Variants in DGKB observed in about 807,000 individuals in gnomAD.
DGKB encodes diacylglycerol kinase beta.
Under a neutral mutation model 114.3 loss-of-function variants are expected in DGKB, and 67 were observed. The observed-to-expected ratio is 0.59, with a 90% confidence interval of 0.48 to 0.72. The LOEUF is 0.72. Ranked by LOEUF, DGKB falls within the 30% of genes least tolerant of loss-of-function variation. The pLI, the probability that DGKB is intolerant of heterozygous loss-of-function variation, is 0.00. For missense variants in DGKB, 907 were observed against 975.2 expected (o/e 0.93, Z 0.93); for synonymous variants, 398 against 323.1 (o/e 1.23, Z -2.49).
chr7:14,361,889 A>G (rs1815818365), intron 21 of DGKB, among the ~76,000 whole-genome samples: 2 of 152,042 alleles, frequency 1.3e-5, no homozygotes, highest in Admixed American at 1.3e-4. Context: ...AGCAACATGT[A>G]GCATTCATTT....
intron 23 of DGKB, among the ~76,000 whole-genome samples, chr7:14,225,763 T>C (rs1790708346): frequency 6.6e-6 from 1 of 152,000 alleles, no homozygotes; most frequent in South Asian, 2.1e-4. Flanking sequence ...ATTAAGAGTA[T>C]CATTTTCTAC....
chr7:14,347,518 C>G (rs927215555), intron 21 of DGKB, among the ~76,000 whole-genome samples: 6 of 151,770 alleles, frequency 4.0e-5, no homozygotes, highest in Non-Finnish European at 7.4e-5. Flanking sequence ...GAAGCCAGAA[C>G]AGAAAGACAA....
At chr7:14,159,625 G>A (rs892319094) in intron 25 of DGKB, among the ~76,000 whole-genome samples, 12 of 152,152 alleles carry the variant, frequency 7.9e-5, no homozygotes, top group Non-Finnish European at 2.9e-5. Flanking sequence ...GCTTCATAGA[G>A]ATGGAATTCA....
At chr7:14,858,040 T>C (rs542962157) in intron 1 of DGKB, among the ~76,000 whole-genome samples, 7 of 152,288 alleles carry the variant, frequency 4.6e-5, no homozygotes, top group Non-Finnish European at 1.0e-4. Context: ...TTAAGGCTTA[T>C]ATTCCAGTCA....
At chr7:14,844,744 T>C (rs1341599994) in intron 1 of DGKB, among the ~76,000 whole-genome samples, 1 of 152,154 alleles carries the variant, frequency 6.6e-6, no homozygotes, top group Non-Finnish European at 1.5e-5. Flanking sequence ...AACAAGTTAA[T>C]TAATAAGTTA....
In DGKB at chr7:14,580,970, T is replaced by A; in HGVS notation, c.1520-19A>T. On this transcript the variant is annotated intron_variant, in intron 18 of 25. Coordinates refer to ENST00000402815, the MANE Select transcript of DGKB (RefSeq NM_001350709.2). The stretch of plus-strand genomic sequence containing the variant: ...GCCTTTTCTGCAGAATAAAAAAAAA[T>A]ACAAATAAAGAAAATTTTAAGTTCA... 4 of 1,538,400 alleles carry A rather than the reference T, an allele frequency of 2.6e-6. No homozygotes were observed. The highest frequency in any genetic ancestry group is 3.5e-6 in the Non-Finnish European group (4 of 1,132,734).
In DGKB at chr7:14,744,627, AGCAATTTTAAAAGT is replaced by A. The variant is rs1833008226; in HGVS notation, c.169-8447_169-8434del. Among the ~76,000 whole-genome samples the A allele has an allele frequency of 2.6e-5, 4 of 152,326 alleles. No homozygotes were observed. In the South Asian group the frequency reaches 8.3e-4, roughly 32 times the overall value. On this transcript the variant is annotated intron_variant, in intron 4 of 25. Transcript: ENST00000402815. ...CCTTATGGAACAGAATTCCATCAAAAGCAATTTTAAAAGTGTATGTAAGAATAATTATTCTTGCT... is the reference window on the plus strand; with the variant it reads ...CCTTATGGAACAGAATTCCATCAAAAGTATGTAAGAATAATTATTCTTGCT...
At position 14,648,377 on chromosome 7, in the gene DGKB, A is replaced by G. The variant is rs572000570; in HGVS notation, c.1135-18109T>C. On this transcript the variant is annotated intron_variant, in intron 13 of 25. Coordinates refer to ENST00000402815, the MANE Select transcript of DGKB (RefSeq NM_001350709.2). ...GCCTAACTGGGAGGCACCCCCCAGC[A>G]GGGGCACACTCACACCTCACAGGGC... Among the ~76,000 whole-genome samples the G allele has an allele frequency of 2.6e-5, 4 of 152,288 alleles. No homozygotes were observed. In the East Asian group the frequency reaches 7.7e-4, roughly 29 times the overall value.
intron 1 of DGKB, among the ~76,000 whole-genome samples, chr7:14,926,155 T>C (rs957067364): frequency 6.6e-6 from 1 of 152,134 alleles, no homozygotes; most frequent in African/African-American, 2.4e-5. Flanking sequence ...TCATGATTTT[T>C]CTTTAAACTG....
At chr7:14,753,667 C>G (rs894759655) in intron 4 of DGKB, among the ~76,000 whole-genome samples, 1 of 152,138 alleles carries the variant, frequency 6.6e-6, no homozygotes, top group African/African-American at 2.4e-5. Context: ...ATTCCAGAGT[C>G]TACAAAACTG....
At chr7:14,963,938 A>C (rs2115280378) in intron 1 of DGKB, among the ~76,000 whole-genome samples, 1 of 152,288 alleles carries the variant, frequency 6.6e-6, no homozygotes, top group Admixed American at 6.5e-5. Context: ...AAAGGTAAAA[A>C]TAAAATTATC....
intron 13 of DGKB, among the ~76,000 whole-genome samples, chr7:14,659,320 G>A (rs1243552781): frequency 6.6e-6 from 1 of 152,014 alleles, no homozygotes; most frequent in Non-Finnish European, 1.5e-5. Flanking sequence ...AATTACCCTG[G>A]GCAGTATGGC....
chr7:14,543,190 C>T (rs372165295), intron 20 of DGKB, among the ~76,000 whole-genome samples: 8 of 152,126 alleles, frequency 5.3e-5, no homozygotes, highest in African/African-American at 1.9e-4. Context: ...TGGCTCACAC[C>T]TGTAATCCCC....
At chr7:14,741,444 G>C (rs982162923) in intron 4 of DGKB, among the ~76,000 whole-genome samples, 5 of 152,152 alleles carry the variant, frequency 3.3e-5, no homozygotes, top group African/African-American at 1.2e-4. Flanking sequence ...CTTAGGATGG[G>C]ATAAGGACCT....
intron 9 of DGKB, among the ~76,000 whole-genome samples, chr7:14,690,943 C>G (rs190426670): frequency 1.3e-5 from 2 of 152,290 alleles, no homozygotes; most frequent in Non-Finnish European, 2.9e-5. Flanking sequence ...CTAAGAGACA[C>G]TAACACTCTA....
chr7:14,331,301 C>T (rs1809672536), intron 23 of DGKB, among the ~76,000 whole-genome samples: 1 of 151,890 alleles, frequency 6.6e-6, no homozygotes, highest in Admixed American at 6.6e-5. Context: ...TTTTAACAAC[C>T]AGGTGTAATA....
intron 23 of DGKB, among the ~76,000 whole-genome samples, chr7:14,296,723 C>G (rs906252219): frequency 1.2e-4 from 14 of 120,364 alleles, no homozygotes; most frequent in African/African-American, 4.5e-4. Flanking sequence ...GATAGAGACA[C>G]AAAAAACCTT....
intron 1 of DGKB, among the ~76,000 whole-genome samples, chr7:14,919,095 AAC>A (rs3036019): frequency 0.026 from 2,929 of 114,796 alleles, 37 homozygotes; most frequent in South Asian, 0.059. Flanking sequence ...CACACACACA[AAC>A]ACACACACAC....
chr7:14,638,981 T>C (rs992731521), intron 13 of DGKB, among the ~76,000 whole-genome samples: 4 of 152,092 alleles, frequency 2.6e-5, no homozygotes, highest in Admixed American at 2.6e-4. Flanking sequence ...GAGGTTGCAG[T>C]GAGCTGAGAT....
Sources: gnomAD v4.1 joint callset for allele counts (sites outside exome capture counted in the v4.1 genomes callset) on GRCh38, gnomAD v4.1.1 for gene constraint, MANE v1.5 for transcripts, NCBI Gene and HGNC (gene_info 2026-07-23, HGNC 2026-07-21) for gene names.